Variants in PLEKHG1 observed in about 807,000 individuals in gnomAD.
The protein encoded by PLEKHG1 is pleckstrin homology and RhoGEF domain containing G1.
Under a neutral mutation model 100.8 loss-of-function variants are expected in PLEKHG1, and 44 were observed. That is an observed-to-expected ratio of 0.44 (90% CI 0.34 to 0.56). The LOEUF (loss-of-function observed/expected upper bound fraction) is 0.56. Ranked by LOEUF, PLEKHG1 falls within the 20% of genes least tolerant of loss-of-function variation. The pLI is 0.01. For synonymous variants in PLEKHG1, 640 were observed against 662.5 expected (o/e 0.97, Z 0.52); for missense variants, 1,545 against 1,720.9 (o/e 0.90, Z 1.81).
intron 2 of PLEKHG1, among the ~76,000 whole-genome samples, chr6:150,739,940 T>C (rs1237652534): frequency 2.0e-5 from 3 of 152,324 alleles, no homozygotes; most frequent in African/African-American, 7.2e-5. Context: ...TGAAACACAT[T>C]GAAAGCTATT....
intron 4 of PLEKHG1, among the ~76,000 whole-genome samples, chr6:150,794,287 GAA>G (rs1054804744): frequency 1.3e-4 from 19 of 151,854 alleles, no homozygotes; most frequent in African/African-American, 4.4e-4. Flanking sequence ...ATTTTAAAAA[GAA>G]AAAAAGGAAA....
Position 150,831,754 on chromosome 6 carries a change from C to T in PLEKHG1, c.2643C>T (p.Ser881=), listed in dbSNP as rs1429204690. ...ACGCAGAGAGCACCCCTGAGCTGAG[C>T]CGGGACGTGGGGCGCTCTGTGTCCA... is the stretch of plus-strand genomic sequence containing the variant. The change falls in exon 15 of 16, where the codon AGC becomes AGT. Residue 881 remains serine, a synonymous_variant. Transcript: ENST00000358517. This position sits in a 1 kb window ranked among gnomAD's most constrained non-coding sequence, Gnocchi z 4.1. 5.0e-6 allele frequency: 8 copies of T among 1,613,534 alleles called. No individual in the cohort carries two copies. The East Asian group carries it at 1.1e-4, about 22-fold the overall frequency.
rs906851438 is a variant in PLEKHG1, at chr6:150,831,689, G to C, written c.2578G>C (p.Ala860Pro). Residue 860 changes from alanine (A) to proline (P), a missense_variant, in exon 15 of 16, where the codon GCG becomes CCG. By Grantham distance (27) the Ala-to-Pro change is conservative. Coordinates refer to ENST00000358517, the Ensembl canonical transcript of PLEKHG1. This position sits in a 1 kb window ranked among gnomAD's most constrained non-coding sequence, Gnocchi z 4.1. ...CAAGGCCAGAGACCGTCTCCTGGCA[G>C]CGTTTCCTGTGAGCAAGGATGATGT... The C allele has an allele frequency of 1.9e-6, 3 of 1,612,808 alleles. No homozygotes were observed. The African/African-American group carries it at 4.0e-5, about 22-fold the overall frequency.
chr6:150,810,539 G>GAAAGAAAGAAAGAAAGAAAGAAAGA lies in PLEKHG1; in HGVS notation c.1278+807_1278+808insAGAAAGAAAGAAAGAAAGAAAGAAA, dbSNP rs1562540321. ...AAAAGAAAGAAAGAAAGAAAGAAAG[G>GAAAGAAAGAAAGAAAGAAAGAAAGA]AAGAAAGGAAGGAAAGAAAGAAAGA... On this transcript the variant is annotated intron_variant, in intron 10 of 15. Transcript: ENST00000358517. Among the ~76,000 whole-genome samples, 187 of 104,978 alleles carry GAAAGAAAGAAAGAAAGAAAGAAAGA rather than the reference G, an allele frequency of 1.8e-3. 1 individual carries two copies. Among genetic ancestry groups the GAAAGAAAGAAAGAAAGAAAGAAAGA allele is most frequent in the African/African-American group, 7.9e-3 (183 of 23,114 alleles). The allele number at this position is 104,978 out of a possible 152,430, so 68.9% of individuals were successfully genotyped here. A position where few individuals can be genotyped will look rare whatever the true frequency, so the allele number is the denominator to read the frequency against.
At chr6:150,760,911 T>C (rs1036969820) in intron 2 of PLEKHG1, among the ~76,000 whole-genome samples, 1 of 152,082 alleles carries the variant, frequency 6.6e-6, no homozygotes, top group South Asian at 2.1e-4. Flanking sequence ...AGGCCTCTTA[T>C]AAGGACTTTT....
At chr6:150,842,944 T>A (rs1777597182) in exon 16 of PLEKHG1, 1 of 152,114 alleles carries the variant, frequency 6.6e-6, no homozygotes. Context: ...GAACTCCTGA[T>A]CTCATGATCC....
intron 2 of PLEKHG1, among the ~76,000 whole-genome samples, chr6:150,758,655 T>C (rs1783986740): frequency 6.6e-6 from 1 of 152,238 alleles, no homozygotes. Context: ...TTTTTAACAA[T>C]CGTCATTCTG....
intron 3 of PLEKHG1, among the ~76,000 whole-genome samples, chr6:150,774,491 A>C (rs971939504): frequency 6.7e-6 from 1 of 149,224 alleles, no homozygotes; most frequent in Non-Finnish European, 1.5e-5. Flanking sequence ...AACCCTACCC[A>C]GTCACAATGT....
chr6:150,802,641 G>C (rs544402394), intron 6 of PLEKHG1, among the ~76,000 whole-genome samples: 53 of 149,548 alleles, frequency 3.5e-4, no homozygotes, highest in Admixed American at 1.0e-3. Context: ...TGATTAGAGG[G>C]CTCCCTCTAT....
intron 3 of PLEKHG1, among the ~76,000 whole-genome samples, chr6:150,708,924 A>T (rs924255405): frequency 2.0e-5 from 3 of 152,244 alleles, no homozygotes; most frequent in African/African-American, 7.2e-5. Context: ...TGAACAGGTA[A>T]AAAGCATGAC....
intron 3 of PLEKHG1, among the ~76,000 whole-genome samples, chr6:150,772,665 G>A (rs1312506763): frequency 2.0e-5 from 3 of 152,166 alleles, no homozygotes; most frequent in Admixed American, 2.0e-4. Flanking sequence ...TGGCATACAT[G>A]GTGTCAGCTT....
At chr6:150,839,985 T>A in exon 16 of PLEKHG1, 1 of 1,614,168 alleles carries the variant, frequency 6.2e-7, no homozygotes, top group Non-Finnish European at 8.5e-7. Flanking sequence ...TAGTGGAGAC[T>A]GGCTTCTGCA....
At chr6:150,633,428 T>C (rs925120173) in intron 1 of PLEKHG1, 1 of 152,854 alleles carries the variant, frequency 6.5e-6, no homozygotes, top group Non-Finnish European at 1.5e-5. Flanking sequence ...GGCCTGTGCA[T>C]CCTGAGACTT....
At chr6:150,621,086 G>A (rs1777280087) in intron 1 of PLEKHG1, among the ~76,000 whole-genome samples, 1 of 152,058 alleles carries the variant, frequency 6.6e-6, no homozygotes, top group Non-Finnish European at 1.5e-5. Context: ...TTTAATAATG[G>A]TCACAAACTC....
intron 2 of PLEKHG1, among the ~76,000 whole-genome samples, chr6:150,735,714 A>G (rs1782527554): frequency 6.6e-6 from 1 of 152,346 alleles, no homozygotes; most frequent in East Asian, 1.9e-4. Flanking sequence ...CTCTCAGGAA[A>G]CATATGGTTA....
chr6:150,655,707 CAAAA>C (rs775753925), intron 3 of PLEKHG1, among the ~76,000 whole-genome samples: 2 of 38,358 alleles, frequency 5.2e-5, no homozygotes, highest in South Asian at 1.0e-3. Flanking sequence ...GACTCCATCT[CAAAA>C]AAAAAAAAAA....
At chr6:150,679,165 G>A (rs924009665) in intron 3 of PLEKHG1, among the ~76,000 whole-genome samples, 1 of 152,196 alleles carries the variant, frequency 6.6e-6, no homozygotes, top group Non-Finnish European at 1.5e-5. Flanking sequence ...AATCATGTTT[G>A]TAGGATTTTA....
At chr6:150,623,111 A>G (rs898680715) in intron 1 of PLEKHG1, among the ~76,000 whole-genome samples, 2 of 151,980 alleles carry the variant, frequency 1.3e-5, no homozygotes, top group African/African-American at 4.8e-5. Flanking sequence ...CTGTATGTCA[A>G]TGACACATTC....
At chr6:150,823,774 G>T (rs1776439603) in intron 14 of PLEKHG1, 98 bp downstream of exon 15, 1 of 783,496 alleles carries the variant, frequency 1.3e-6, no homozygotes, top group African/African-American at 1.7e-5. Context: ...CGTATTCCAA[G>T]TGTCAACAGT....
Sources: allele counts gnomAD v4.1 joint callset (sites outside exome capture counted in the v4.1 genomes callset), GRCh38; gene constraint gnomAD v4.1.1; non-coding constraint Gnocchi (gnomAD v3.1); transcripts MANE v1.5; gene names NCBI Gene and HGNC (gene_info 2026-07-23, HGNC 2026-07-21).